IRAG2: variants seen among roughly 807,000 people sequenced by gnomAD.
The protein encoded by IRAG2 is lymphoid restricted membrane protein.
Under a neutral mutation model 69.9 loss-of-function variants are expected in IRAG2, and 45 were observed. The observed-to-expected ratio is 0.64, with a 90% CI of 0.51 to 0.83. The LOEUF (loss-of-function observed/expected upper bound fraction) is 0.83. IRAG2 is among the 40% of genes least tolerant of loss of function. IRAG2 has a pLI of 0.00. For missense variants in IRAG2, 520 were observed against 587.0 expected (o/e 0.89, Z 1.18); for synonymous variants, 193 against 202.4 (o/e 0.95, Z 0.40).
At chr12:25,026,430 C>G (rs1437624807) in intron 8 of IRAG2, among the ~76,000 whole-genome samples, 1 of 151,914 alleles carries the variant, frequency 6.6e-6, no homozygotes, top group Non-Finnish European at 1.5e-5. Flanking sequence ...AGAACTGAAG[C>G]TAAATAAAGA....
chr12:25,070,067 G>C (rs898723470), intron 6 of IRAG2, among the ~76,000 whole-genome samples: 9 of 152,230 alleles, frequency 5.9e-5, no homozygotes, highest in African/African-American at 1.9e-4. Flanking sequence ...TCTGTTTCAG[G>C]ATCTGGCAGT....
chr12:25,048,636 A>AAG (rs768712161), upstream of IRAG2, among the ~76,000 whole-genome samples: 3 of 152,190 alleles, frequency 2.0e-5, no homozygotes, highest in East Asian at 5.8e-4. Context: ...AAATTTGTTA[A>AAG]AGTTCCTTGC....
intron 3 of IRAG2, 141 bp from the exon 4 acceptor site, chr12:25,063,577 CAG>C (rs756142608): frequency 7.6e-6 from 3 of 394,760 alleles, no homozygotes; most frequent in Non-Finnish European, 1.3e-5. Flanking sequence ...TTTTACTTGA[CAG>C]AATTTATTTT....
chr12:25,104,163 C>A, intron 19 of IRAG2, 105 bp downstream of exon 19: 1 of 1,015,242 alleles, frequency 9.8e-7, no homozygotes, highest in Non-Finnish European at 1.5e-6. Flanking sequence ...TTGATTTGTA[C>A]AAAGTGTAAA....
chr12:25,055,603 TC>T (rs1945196671), intron 1 of IRAG2, among the ~76,000 whole-genome samples: 1 of 152,158 alleles, frequency 6.6e-6, no homozygotes, highest in African/African-American at 2.4e-5. Flanking sequence ...GCTACACCTC[TC>T]CTATCCCCAC....
rs61995692 is a variant in IRAG2 at position 25,026,864 on chromosome 12, C to G, written c.1459C>G (p.Gln487Glu). The change falls in exon 9 of 39, where the codon CAA (glutamine) becomes GAA (glutamate). Residue 487 changes from glutamine (Q) to glutamate (E), a missense_variant and splice_region_variant. By Grantham distance (29) the Gln-to-Glu change is conservative. Transcript: ENST00000636465. ...CTTGTCTAAAACTGAGACAGAGCAC[C>G]AAGTAAGCACTTCCCAAATACTGGT... is the stretch of plus-strand genomic sequence containing the variant. 529 of 1,220,816 alleles carry G rather than the reference C, an allele frequency of 4.3e-4. 3 individuals are homozygous for G. The African/African-American group carries it at 7.4e-3, about 17-fold the overall frequency. 75.6% of individuals were successfully genotyped at this position (1,220,816 alleles called of 1,614,324 possible). A position where few individuals can be genotyped will look rare whatever the true frequency, so the allele number is the denominator to read the frequency against.
intron 20 of IRAG2, among the ~76,000 whole-genome samples, chr12:25,105,232 A>C (rs1248923434): frequency 6.6e-6 from 1 of 151,756 alleles, no homozygotes; most frequent in African/African-American, 2.4e-5. Flanking sequence ...GCCCGCCACC[A>C]CGCCCGGCTA....
At chr12:25,050,546 AACAAAC>A (rs2139874172), upstream of IRAG2, among the ~76,000 whole-genome samples, 1 of 114,274 alleles carries the variant, frequency 8.8e-6, no homozygotes, top group South Asian at 2.6e-4. Context: ...CAAACAAACA[AACAAAC>A]AAAAAAAAAC....
At chr12:25,018,380 T>A (rs1251216927) in intron 6 of IRAG2, among the ~76,000 whole-genome samples, 7 of 151,960 alleles carry the variant, frequency 4.6e-5, no homozygotes, top group Admixed American at 4.6e-4. Context: ...CTAATTTTTG[T>A]GTTTTTGTAG....
intron 20 of IRAG2, among the ~76,000 whole-genome samples, chr12:25,106,669 T>C (rs1384033575): frequency 7.0e-6 from 1 of 143,394 alleles, no homozygotes; most frequent in Admixed American, 7.0e-5. Context: ...TGGCTAATAT[T>C]CTATTGTATA....
chr12:25,020,064 A>G (rs1418454990), intron 6 of IRAG2, among the ~76,000 whole-genome samples: 1 of 152,170 alleles, frequency 6.6e-6, no homozygotes, highest in Non-Finnish European at 1.5e-5. Flanking sequence ...CAGGTTCAGC[A>G]CTCAATTAGT....
chr12:25,018,055 C>T (rs544059363), intron 6 of IRAG2, among the ~76,000 whole-genome samples: 1 of 152,216 alleles, frequency 6.6e-6, no homozygotes, highest in East Asian at 1.9e-4. Context: ...TATTCAGTTG[C>T]ATAGATATAT....
chr12:25,100,025 A>AAAAAAAAAAAAAG (rs1948665047), intron 15 of IRAG2, among the ~76,000 whole-genome samples: 1 of 138,038 alleles, frequency 7.2e-6, no homozygotes, highest in Non-Finnish European at 1.6e-5. Context: ...AAAAAAAAAA[A>AAAAAAAAAAAAAG]TGGGCAAAAG....
At chr12:25,041,685 T>C (rs1033635694) in intron 16 of IRAG2, among the ~76,000 whole-genome samples, 2 of 150,522 alleles carry the variant, frequency 1.3e-5, no homozygotes, top group East Asian at 1.9e-4. Context: ...TTTTTTTTTT[T>C]CAGTAGAGAT....
chr12:25,071,900 A>G (rs1394662078), intron 6 of IRAG2, among the ~76,000 whole-genome samples: 1 of 151,720 alleles, frequency 6.6e-6, no homozygotes, highest in East Asian at 1.9e-4. Flanking sequence ...TGTGCTTCAC[A>G]CCCATTAAGA....
intron 21 of IRAG2, 125 bp from the exon 22 acceptor site, chr12:25,107,692 T>C (rs1023446249): frequency 3.7e-5 from 30 of 813,054 alleles, no homozygotes; most frequent in Non-Finnish European, 5.1e-5. Context: ...TAAATCATAA[T>C]ATGTAGATTA....
intron 6 of IRAG2, chr12:25,075,922 G>C (rs921520958): frequency 6.6e-6 from 1 of 152,096 alleles, no homozygotes; most frequent in Non-Finnish European, 1.5e-5. Flanking sequence ...GGTGCGTGCT[G>C]GTTATGTTCT....
chr12:25,010,457 C>T (rs901546605), intron 2 of IRAG2, among the ~76,000 whole-genome samples: 1 of 137,384 alleles, frequency 7.3e-6, no homozygotes, highest in East Asian at 2.0e-4. Context: ...CATAGCAAGA[C>T]CCTGTGTCAA....
chr12:25,076,185 T>C (rs906800396), intron 6 of IRAG2, among the ~76,000 whole-genome samples: 2 of 152,202 alleles, frequency 1.3e-5, no homozygotes, highest in African/African-American at 4.8e-5. Flanking sequence ...TATATTGGGT[T>C]GTTTTCTGAT....
Sources: gnomAD v4.1 joint callset for allele counts (sites outside exome capture counted in the v4.1 genomes callset) on GRCh38, gnomAD v4.1.1 for gene constraint, MANE v1.5 for transcripts, NCBI Gene and HGNC (gene_info 2026-07-23, HGNC 2026-07-21) for gene names.